Variants in RORA observed in about 807,000 individuals in gnomAD.
The protein encoded by RORA is RAR related orphan receptor A.
Under a neutral mutation model 69.5 loss-of-function variants are expected in RORA, and 7 were observed. That is an observed-to-expected ratio of 0.10 (90% CI 0.06 to 0.19). The LOEUF (loss-of-function observed/expected upper bound fraction) is 0.19. RORA is among the 10% of genes least tolerant of loss of function. The pLI is 1.00. For missense variants in RORA, 457 were observed against 663.0 expected (o/e 0.69, Z 3.41); for synonymous variants, 261 against 240.8 (o/e 1.08, Z -0.78).
chr15:61,077,709 T>C (rs1332870329), intron 1 of RORA, among the ~76,000 whole-genome samples: 1 of 152,228 alleles, frequency 6.6e-6, no homozygotes, highest in African/African-American at 2.4e-5. Flanking sequence ...TTTATTTCTC[T>C]GTGCTGTTAG....
chr15:60,943,089 G>A (rs900296173), intron 1 of RORA, among the ~76,000 whole-genome samples: 1 of 152,192 alleles, frequency 6.6e-6, no homozygotes, highest in Non-Finnish European at 1.5e-5. Context: ...ATCCATCTTT[G>A]CTGGCATCAT....
chr15:60,592,387 CT>C, intron 2 of RORA: 1 of 1,435,920 alleles, frequency 7.0e-7, no homozygotes, highest in Non-Finnish European at 9.2e-7. Flanking sequence ...CCGGGCTCAC[CT>C]TTCATCGCTG....
chr15:60,795,790 A>T (rs1172172011), intron 1 of RORA, among the ~76,000 whole-genome samples: 1 of 152,194 alleles, frequency 6.6e-6, no homozygotes, highest in Non-Finnish European at 1.5e-5. Context: ...CATCCCTACC[A>T]GATGTGACAT....
chr15:60,504,089 C>A (rs1014041541), intron 6 of RORA, among the ~76,000 whole-genome samples: 1 of 152,060 alleles, frequency 6.6e-6, no homozygotes, highest in African/African-American at 2.4e-5. Flanking sequence ...GGATGAGCCA[C>A]CGTGCCCGGT....
At chr15:60,842,977 T>A (rs937450087) in intron 1 of RORA, among the ~76,000 whole-genome samples, 1 of 152,158 alleles carries the variant, frequency 6.6e-6, no homozygotes, top group African/African-American at 2.4e-5. Context: ...TTTCTCTGCA[T>A]CCTGCAGCAG....
rs568209469 is a variant in RORA, at chr15:61,131,522, G to A, written c.166+97531C>T. Among the ~76,000 whole-genome samples, 3 of 152,210 alleles carry A rather than the reference G, an allele frequency of 2.0e-5. No homozygotes were observed. In the East Asian group the frequency reaches 5.8e-4, roughly 29 times the overall value. On this transcript the variant is annotated intron_variant, in intron 1 of 10. Coordinates refer to ENST00000335670, the MANE Select transcript of RORA (RefSeq NM_134261.3). This position sits in a 1 kb window ranked among gnomAD's most constrained non-coding sequence, Gnocchi z 4.2. ...GGGGAAAGACTGAGGGAAATTATAG[G>A]GGACTTTGGCCATCCACTGGAAAAC...
chr15:61,064,326 T>C (rs550676264), intron 1 of RORA, among the ~76,000 whole-genome samples: 23 of 152,380 alleles, frequency 1.5e-4, no homozygotes, highest in African/African-American at 5.3e-4. Flanking sequence ...TGTACCTTTG[T>C]AGTGCCAAAT....
intron 1 of RORA, among the ~76,000 whole-genome samples, chr15:60,761,207 G>A (rs915145769): frequency 6.6e-5 from 10 of 152,158 alleles, no homozygotes; most frequent in Non-Finnish European, 1.2e-4. Context: ...GTGCCACCCA[G>A]CCTGTACACC....
chr15:60,769,965 T>C (rs2072049345), intron 1 of RORA, among the ~76,000 whole-genome samples: 1 of 152,270 alleles, frequency 6.6e-6, no homozygotes. Flanking sequence ...GCATTATTTC[T>C]AACCTTATTT....
At chr15:61,022,825 C>G (rs1895602886) in intron 1 of RORA, among the ~76,000 whole-genome samples, 1 of 152,094 alleles carries the variant, frequency 6.6e-6, no homozygotes, top group African/African-American at 2.4e-5. Context: ...AGGTTTGCAT[C>G]TTGTCTTTGG....
At chr15:60,914,830 T>C (rs116802878) in intron 1 of RORA, among the ~76,000 whole-genome samples, 2,691 of 152,262 alleles carry the variant, frequency 0.018, 56 homozygotes, top group South Asian at 0.061. Context: ...ACTCACCTTC[T>C]GAAAGACCCC....
At chr15:60,727,838 TA>T (rs2071380844) in intron 1 of RORA, among the ~76,000 whole-genome samples, 1 of 152,218 alleles carries the variant, frequency 6.6e-6, no homozygotes, top group Admixed American at 6.5e-5. Flanking sequence ...AGTGAAACTC[TA>T]GGAGAGGTTC....
chr15:60,894,145 A>G (rs1310181496), intron 1 of RORA, among the ~76,000 whole-genome samples: 1 of 152,200 alleles, frequency 6.6e-6, no homozygotes, highest in African/African-American at 2.4e-5. Flanking sequence ...GCCCGCAGCC[A>G]GAGTTCTTCC....
chr15:61,061,106 C>T lies in RORA; in HGVS notation c.166+167947G>A, dbSNP rs913389893. Reference sequence around the variant, plus strand: ...CGGTGGCTCGTGCCTGTAATCCCAGCACTTTGGGAGGCCGAGGCGGGCGGA... The same window carrying T: ...CGGTGGCTCGTGCCTGTAATCCCAGTACTTTGGGAGGCCGAGGCGGGCGGA... On this transcript the variant is annotated intron_variant, in intron 1 of 10. Coordinates refer to ENST00000335670, the MANE Select transcript of RORA (RefSeq NM_134261.3). The surrounding 1 kb of genome is among the most constrained non-coding windows in gnomAD (Gnocchi z 4.4). 2.0e-5 allele frequency among the ~76,000 whole-genome samples: 3 copies of T among 152,168 alleles called. No homozygotes were observed. The highest frequency in any genetic ancestry group is 2.9e-5 in the Non-Finnish European group (2 of 68,042).
At chr15:60,750,938 T>G (rs2071714970) in intron 1 of RORA, among the ~76,000 whole-genome samples, 1 of 152,154 alleles carries the variant, frequency 6.6e-6, no homozygotes, top group South Asian at 2.1e-4. Context: ...CCAGGTTGGA[T>G]GTCCCTCTCG....
intron 8 of RORA, among the ~76,000 whole-genome samples, chr15:60,501,940 A>G (rs1412165010): frequency 1.3e-5 from 2 of 152,202 alleles, no homozygotes; most frequent in Non-Finnish European, 2.9e-5. Context: ...CATTCTTCTT[A>G]ATAACTATGT....
At chr15:60,666,739 G>A (rs2140727990) in intron 2 of RORA, among the ~76,000 whole-genome samples, 1 of 152,292 alleles carries the variant, frequency 6.6e-6, no homozygotes, top group Non-Finnish European at 1.5e-5. Flanking sequence ...ACCGAGGTAT[G>A]CCCATGCATG....
chr15:61,085,659 A>G (rs1345541834), intron 1 of RORA, among the ~76,000 whole-genome samples: 1 of 152,300 alleles, frequency 6.6e-6, no homozygotes, highest in African/African-American at 2.4e-5. Context: ...CCACTGCTCT[A>G]TTCCCAGGAT....
At chr15:61,118,763 T>C (rs184007478) in intron 1 of RORA, among the ~76,000 whole-genome samples, 4 of 152,230 alleles carry the variant, frequency 2.6e-5, no homozygotes, top group Admixed American at 1.3e-4. Context: ...AATGATTTTT[T>C]TTTTCCTTCA....
Sources: gnomAD v4.1 joint callset for allele counts (sites outside exome capture counted in the v4.1 genomes callset) on GRCh38, gnomAD v4.1.1 for gene constraint, Gnocchi (gnomAD v3.1) non-coding constraint, MANE v1.5 for transcripts, NCBI Gene and HGNC (gene_info 2026-07-23, HGNC 2026-07-21) for gene names.